Variants in N4BP2L1 observed in about 807,000 individuals in gnomAD.
N4BP2L1 encodes the protein NEDD4-binding protein 2-like 1.
Under a neutral mutation model 21.2 loss-of-function variants are expected in N4BP2L1, and 12 were observed. The observed-to-expected ratio is 0.57, with a 90% CI of 0.36 to 0.92. The LOEUF (loss-of-function observed/expected upper bound fraction) is 0.92. N4BP2L1 is among the 40% of genes least tolerant of loss of function. The pLI is 0.01. For synonymous variants in N4BP2L1, 104 were observed against 112.8 expected (o/e 0.92, Z 0.49); for missense variants, 259 against 310.6 (o/e 0.83, Z 1.25).
chr13:32,411,826 A>G lies in N4BP2L1; in HGVS notation c.180-4054T>C. The G allele has an allele frequency of 2.1e-6, 2 of 960,404 alleles. 1 individual carries two copies. Among genetic ancestry groups the G allele is most frequent in the South Asian group, 9.6e-5 (2 of 20,730 alleles). The allele number at this position is 960,404 out of a possible 1,614,324, so 59.5% of individuals were successfully genotyped here. On this transcript the variant is annotated intron_variant, in intron 1 of 4. Coordinates refer to ENST00000380130, the MANE Select transcript of N4BP2L1 (RefSeq NM_052818.3). Reference sequence around the variant, plus strand: ...TAGATATCTCTTCAGCCAGTCAGTCACTCACTGAGAAAGTCAGACATTGCA... The same window carrying G: ...TAGATATCTCTTCAGCCAGTCAGTCGCTCACTGAGAAAGTCAGACATTGCA...
chr13:32,408,762 C>A (rs78205730), intron 1 of N4BP2L1, among the ~76,000 whole-genome samples: 11 of 152,290 alleles, frequency 7.2e-5, no homozygotes, highest in Non-Finnish European at 1.3e-4. Flanking sequence ...TGGAGAATGA[C>A]AAGGGCAGGA....
chr13:32,419,698 G>A (rs887955199), intron 1 of N4BP2L1, among the ~76,000 whole-genome samples: 78 of 152,026 alleles, frequency 5.1e-4, no homozygotes, highest in African/African-American at 1.8e-3. Flanking sequence ...AGGCCTCCCC[G>A]GCCATGCTGA....
chr13:32,407,045 C>T (rs2073557496), intron 3 of N4BP2L1: 1 of 583,258 alleles, frequency 1.7e-6, no homozygotes, highest in East Asian at 2.9e-5. Flanking sequence ...TAAATTGTAT[C>T]CTCAAGTGAG....
At chr13:32,413,831 A>G (rs1253261624) in intron 1 of N4BP2L1, among the ~76,000 whole-genome samples, 1 of 150,536 alleles carries the variant, frequency 6.6e-6, no homozygotes, top group Non-Finnish European at 1.5e-5. Context: ...ATCTCTTGTT[A>G]CATGAAGAGG....
intron 1 of N4BP2L1, chr13:32,425,452 T>TCCAGAG (rs1378402270): frequency 1.3e-5 from 2 of 152,230 alleles, no homozygotes; most frequent in Non-Finnish European, 2.9e-5. Context: ...CCTTCTTCAC[T>TCCAGAG]CCAGAGCCAG....
chr13:32,424,976 G>A (rs2074683031), intron 1 of N4BP2L1: 1 of 152,032 alleles, frequency 6.6e-6, no homozygotes, highest in African/African-American at 2.4e-5. Flanking sequence ...AAAAGGTTAA[G>A]CAGAAAAAGA....
intron 1 of N4BP2L1, chr13:32,411,584 G>T: frequency 1.0e-6 from 1 of 985,108 alleles, no homozygotes; most frequent in South Asian, 4.7e-5. Context: ...CTTTATGGTG[G>T]TCAGGAGCCT....
intron 3 of N4BP2L1, 72 bp downstream of exon 3, chr13:32,407,178 G>A (rs1051532971): frequency 7.0e-7 from 1 of 1,428,156 alleles, no homozygotes; most frequent in Non-Finnish European, 9.9e-7. Context: ...CAGAAAAAGA[G>A]GAAAGAACAG....
chr13:32,402,346 A>C lies in N4BP2L1; in HGVS notation c.*596T>G. On this transcript the variant is annotated 3_prime_UTR_variant, in exon 5 of 5. Transcript: ENST00000380130. ...GCATTTTTAACAATGATACATCATTAAAATAAAGAAATAACTTCCCAAAGT... is the reference window on the plus strand; with the variant it reads ...GCATTTTTAACAATGATACATCATTCAAATAAAGAAATAACTTCCCAAAGT... The C allele has an allele frequency of 1.7e-6, 1 of 601,162 alleles. No homozygotes were observed. The highest frequency in any genetic ancestry group is 2.1e-6 in the Non-Finnish European group (1 of 479,498). The allele number at this position is 601,162 out of a possible 1,614,324, so 37.2% of individuals were successfully genotyped here.
chr13:32,418,109 A>G (rs1200709685), intron 1 of N4BP2L1, among the ~76,000 whole-genome samples: 2 of 152,232 alleles, frequency 1.3e-5, no homozygotes, highest in Non-Finnish European at 2.9e-5. Context: ...AAATGTCTCC[A>G]GGGCATGGCA....
At chr13:32,411,793 G>A (rs906890486) in intron 1 of N4BP2L1, 1 of 972,348 alleles carries the variant, frequency 1.0e-6, no homozygotes, top group Non-Finnish European at 1.2e-6. Context: ...GAACCATAGA[G>A]ATATATTTAG....
In N4BP2L1 at chr13:32,402,525, CCA is replaced by C. The variant is rs372981096; in HGVS notation, c.*415_*416del. ...CACTTTGATAAGTAGCAATGCCCCC[CCA>C]CCACTTCTCTCCACCTTCCCAACTT... On this transcript the variant is annotated 3_prime_UTR_variant, in exon 5 of 5. Coordinates refer to ENST00000380130, the MANE Select transcript of N4BP2L1 (RefSeq NM_052818.3). The C allele has an allele frequency of 1.7e-5, 17 of 985,268 alleles. No homozygotes were observed. The highest frequency in any genetic ancestry group is 3.5e-5 in the African/African-American group (2 of 56,984). 61.0% of individuals were successfully genotyped at this position (985,268 alleles called of 1,614,324 possible). A position where few individuals can be genotyped will look rare whatever the true frequency, so the allele number is the denominator to read the frequency against.
chr13:32,405,587 C>T (rs980558733), intron 3 of N4BP2L1, among the ~76,000 whole-genome samples: 3 of 152,144 alleles, frequency 2.0e-5, no homozygotes, highest in Non-Finnish European at 4.4e-5. Context: ...TAAGTGATGG[C>T]CTTCATTCAA....
chr13:32,408,455 A>C (rs1311070536), intron 1 of N4BP2L1, among the ~76,000 whole-genome samples: 4 of 152,218 alleles, frequency 2.6e-5, no homozygotes, highest in East Asian at 3.8e-4. Context: ...ATATCACAGC[A>C]AAAAGAAACA....
At chr13:32,407,477 A>C in intron 2 of N4BP2L1, 139 bp from the exon 3 acceptor site, 1 of 1,577,366 alleles carries the variant, frequency 6.3e-7, no homozygotes, top group Non-Finnish European at 8.6e-7. Context: ...TCAATCAATA[A>C]TTTTCTTTCT....
chr13:32,405,226 G>A (rs1001354026), intron 3 of N4BP2L1, among the ~76,000 whole-genome samples: 1 of 152,074 alleles, frequency 6.6e-6, no homozygotes, highest in Non-Finnish European at 1.5e-5. Context: ...AAAGTAAAAT[G>A]AGGCCGGGCG....
In N4BP2L1 at chr13:32,402,926, G is replaced by C. The variant is rs753790181; in HGVS notation, c.*16C>G. The C allele has an allele frequency of 1.3e-6, 2 of 1,542,560 alleles. No homozygotes were observed. Among genetic ancestry groups the C allele is most frequent in the South Asian group, 2.5e-5 (2 of 81,250 alleles). On this transcript the variant is annotated 3_prime_UTR_variant, in exon 5 of 5. Coordinates refer to ENST00000380130, the MANE Select transcript of N4BP2L1 (RefSeq NM_052818.3). The stretch of plus-strand genomic sequence containing the variant: ...AACTGACTTAGGAAAATTCTGCCTG[G>C]CTGTAAGATAGGCCTCTAATATCCA...
At chr13:32,410,060 T>G (rs9567670) in intron 1 of N4BP2L1, among the ~76,000 whole-genome samples, 26,071 of 152,082 alleles carry the variant, frequency 0.17, 2,528 homozygotes, top group East Asian at 0.41. Flanking sequence ...AGGGATAAGG[T>G]GGATAGTTCT....
intron 1 of N4BP2L1, among the ~76,000 whole-genome samples, chr13:32,424,609 C>A (rs1000395110): frequency 5.9e-5 from 9 of 152,214 alleles, no homozygotes; most frequent in Non-Finnish European, 1.2e-4. Flanking sequence ...GGATTACAGG[C>A]ATGAGCCACC....
Sources: gnomAD v4.1 joint callset for allele counts (sites outside exome capture counted in the v4.1 genomes callset) on GRCh38, gnomAD v4.1.1 for gene constraint, MANE v1.5 for transcripts, NCBI Gene and HGNC (gene_info 2026-07-23, HGNC 2026-07-21) for gene names.